SGCZ: variants seen among roughly 807,000 people sequenced by gnomAD.
SGCZ encodes zeta-sarcoglycan.
SGCZ carries 40 observed loss-of-function variants against 41.3 expected under a neutral mutation model. The ratio of observed to expected loss-of-function variants is 0.97; its 90% CI spans 0.75 to 1.26. The LOEUF is 1.26. SGCZ is among the 50% of genes most tolerant of loss of function. The pLI is 0.00. For missense variants in SGCZ, 552 were observed against 369.8 expected, an observed-to-expected ratio of 1.49 and a Z score of -4.04; for synonymous variants, 206 against 137.5, an observed-to-expected ratio of 1.50 and a Z score of -3.49.
Position 14,882,964 on chromosome 8 carries a change from C to A in SGCZ, c.40-328038G>T, listed in dbSNP as rs182025724. Among the ~76,000 whole-genome samples, 603 of 152,000 alleles carry A rather than the reference C, an allele frequency of 4.0e-3. 4 individuals are homozygous for A. The highest frequency in any genetic ancestry group is 0.016 in the South Asian group (79 of 4,818). Reference sequence around the variant, plus strand: ...ACTGATTTTTAATTTTTTAATATTTCTAATTTTATTGATTGCATCTCATTT... The same window carrying A: ...ACTGATTTTTAATTTTTTAATATTTATAATTTTATTGATTGCATCTCATTT... On this transcript the variant is annotated intron_variant, in intron 1 of 7. Coordinates refer to ENST00000382080, the MANE Select transcript of SGCZ (RefSeq NM_139167.4).
intron 1 of SGCZ, among the ~76,000 whole-genome samples, chr8:14,827,955 T>C (rs559714453): frequency 5.9e-5 from 9 of 152,274 alleles, no homozygotes; most frequent in Middle Eastern, 3.4e-3. Context: ...ATGAAAGAAC[T>C]AGGCAAAGTG....
chr8:14,706,830 T>C (rs1809345512), intron 1 of SGCZ, among the ~76,000 whole-genome samples: 1 of 152,084 alleles, frequency 6.6e-6, no homozygotes, highest in African/African-American at 2.4e-5. Flanking sequence ...CATGTGCTTA[T>C]CAGAACCAGC....
intron 1 of SGCZ, among the ~76,000 whole-genome samples, chr8:15,042,855 A>G (rs1050716486): frequency 1.1e-4 from 17 of 152,198 alleles, no homozygotes; most frequent in African/African-American, 4.1e-4. Flanking sequence ...TTGCAGAAAA[A>G]GATGGGAATG....
chr8:14,892,891 T>C (rs1805065354), intron 1 of SGCZ, among the ~76,000 whole-genome samples: 1 of 152,160 alleles, frequency 6.6e-6, no homozygotes, highest in Admixed American at 6.5e-5. Flanking sequence ...AATCAGGATA[T>C]GATTGGGCAC....
At chr8:14,964,008 C>A (rs1439833890) in intron 1 of SGCZ, among the ~76,000 whole-genome samples, 1 of 152,120 alleles carries the variant, frequency 6.6e-6, no homozygotes, top group Admixed American at 6.5e-5. Context: ...AAATAAAACC[C>A]TTCTCCTTTA....
chr8:14,967,997 T>C (rs1040598027), intron 1 of SGCZ, among the ~76,000 whole-genome samples: 1 of 152,118 alleles, frequency 6.6e-6, no homozygotes, highest in African/African-American at 2.4e-5. Context: ...GAATGGGCAA[T>C]GCAATAAAAA....
At chr8:14,703,222 G>T (rs1186606825) in intron 1 of SGCZ, among the ~76,000 whole-genome samples, 1 of 151,862 alleles carries the variant, frequency 6.6e-6, no homozygotes, top group African/African-American at 2.4e-5. Flanking sequence ...GCAGTGATCT[G>T]GTGGCTCTGG....
At chr8:14,455,344 G>C (rs192607130) in intron 2 of SGCZ, among the ~76,000 whole-genome samples, 1 of 151,844 alleles carries the variant, frequency 6.6e-6, no homozygotes, top group Admixed American at 6.6e-5. Context: ...TTATTATATA[G>C]GCAAAAATTT....
At chr8:14,683,104 T>A (rs1808500723) in intron 1 of SGCZ, among the ~76,000 whole-genome samples, 1 of 152,218 alleles carries the variant, frequency 6.6e-6, no homozygotes, top group Non-Finnish European at 1.5e-5. Flanking sequence ...TATTTGGGAT[T>A]CTGACAAGAA....
intron 4 of SGCZ, among the ~76,000 whole-genome samples, chr8:14,205,273 C>A (rs9325691): frequency 0.011 from 1,615 of 152,168 alleles, 26 homozygotes; most frequent in African/African-American, 0.037. Context: ...TAGACTCCCC[C>A]TCAACATGCT....
intron 1 of SGCZ, among the ~76,000 whole-genome samples, chr8:14,783,077 T>A (rs556316427): frequency 3.0e-4 from 46 of 152,308 alleles, no homozygotes; most frequent in African/African-American, 1.0e-3. Context: ...CCATGAGATT[T>A]GGGGGCTTCT....
chr8:14,393,020 T>G (rs999546705), intron 2 of SGCZ, among the ~76,000 whole-genome samples: 1 of 152,306 alleles, frequency 6.6e-6, no homozygotes, highest in Non-Finnish European at 1.5e-5. Context: ...GGTAATACCC[T>G]CAGTAATTAT....
intron 1 of SGCZ, among the ~76,000 whole-genome samples, chr8:14,707,705 C>T (rs1044209600): frequency 3.3e-5 from 5 of 152,030 alleles, no homozygotes; most frequent in African/African-American, 1.2e-4. Flanking sequence ...TATTTGAGAG[C>T]AAATAAAAAT....
At chr8:14,673,685 T>C (rs1218235463) in intron 1 of SGCZ, among the ~76,000 whole-genome samples, 2 of 152,172 alleles carry the variant, frequency 1.3e-5, no homozygotes, top group East Asian at 1.9e-4. Context: ...ATCAGATTTA[T>C]AAATGCTTAA....
chr8:14,137,732 T>C (rs1803245234), intron 5 of SGCZ, among the ~76,000 whole-genome samples: 1 of 152,020 alleles, frequency 6.6e-6, no homozygotes, highest in African/African-American at 2.4e-5. Context: ...ATGGGGAGAA[T>C]GGACCCAAGT....
intron 2 of SGCZ, among the ~76,000 whole-genome samples, chr8:14,527,728 A>G (rs1802997778): frequency 1.3e-5 from 2 of 152,106 alleles, no homozygotes; most frequent in Non-Finnish European, 2.9e-5. Flanking sequence ...CTCAATAAGC[A>G]CATGTGTTAA....
chr8:14,546,063 A>G (rs970454730), intron 2 of SGCZ, among the ~76,000 whole-genome samples: 1 of 152,172 alleles, frequency 6.6e-6, no homozygotes, highest in Admixed American at 6.5e-5. Flanking sequence ...GAGAGGGACA[A>G]TTTGTCAGAA....
intron 1 of SGCZ, among the ~76,000 whole-genome samples, chr8:14,647,194 C>A (rs906895002): frequency 1.3e-5 from 2 of 152,128 alleles, no homozygotes; most frequent in East Asian, 3.9e-4. Context: ...TAATGATAAA[C>A]TATATAGCTC....
rs567294032 is a variant in SGCZ at position 14,699,825 on chromosome 8, T to C, written c.40-144899A>G. Among the ~76,000 whole-genome samples, 7 of 152,082 alleles carry C rather than the reference T, an allele frequency of 4.6e-5. No individual in the cohort carries two copies. The South Asian group carries it at 1.2e-3, about 27-fold the overall frequency. On this transcript the variant is annotated intron_variant, in intron 1 of 7. Transcript: ENST00000382080. ...AACGGGCACTTCTTTAAAGAAGACA[T>C]ACATGCAGCCAACGAATATATAAAA...
Sources: allele counts gnomAD v4.1 joint callset (sites outside exome capture counted in the v4.1 genomes callset), GRCh38; gene constraint gnomAD v4.1.1; transcripts MANE v1.5; gene names NCBI Gene and HGNC (gene_info 2026-07-23, HGNC 2026-07-21).